ESYT1: variants seen among roughly 807,000 people sequenced by gnomAD.
ESYT1 encodes the protein extended synaptotagmin-1.
A neutral mutation model predicts 154.2 loss-of-function variants in ESYT1; 116 were observed. That is an observed-to-expected ratio of 0.75 (90% CI 0.65 to 0.88). ESYT1 has a LOEUF of 0.88. ESYT1 is among the 40% of genes least tolerant of loss of function. The pLI, the probability that ESYT1 is intolerant of heterozygous loss-of-function variation, is 0.00. For missense variants in ESYT1, 1,264 were observed against 1,379.3 expected, an observed-to-expected ratio of 0.92 and a Z score of 1.32; for synonymous variants, 500 against 539.9, an observed-to-expected ratio of 0.93 and a Z score of 1.02.
In ESYT1 at chr12:56,128,354, G is replaced by A. The variant is rs1039009182; in HGVS notation, c.35G>A (p.Ser12Asn). 1 of 1,612,090 alleles carries A rather than the reference G, an allele frequency of 6.2e-7. No individual in the cohort carries two copies. ...ERSPGEGPSP[S>N]PMDQPSAPSD... Reference sequence around the variant, plus strand: ...TCTCCAGGAGAGGGCCCCAGCCCCAGCCCCATGGACCAGCCCTCTGCTCCC... The same window carrying A: ...TCTCCAGGAGAGGGCCCCAGCCCCAACCCCATGGACCAGCCCTCTGCTCCC... Residue 12 changes from serine to asparagine, a missense_variant, in exon 1 of 31, where the codon AGC becomes AAC. Transcript: ENST00000394048.
chr12:56,141,571 T>C (rs1870694046), intron 24 of ESYT1, among the ~76,000 whole-genome samples: 1 of 152,138 alleles, frequency 6.6e-6, no homozygotes, highest in African/African-American at 2.4e-5. Flanking sequence ...AAACCCTGTC[T>C]CTATTAAAAA....
chr12:56,136,706 T>C lies in ESYT1; in HGVS notation c.1633-38T>C, dbSNP rs761329549. ...TTTCACAGTATGCCTCCCTTTCCCC[T>C]AATCCCTTCACTACAGTCCTTCCTC... On this transcript the variant is annotated intron_variant, in intron 15 of 30. Transcript: ENST00000394048. 3.3e-6 allele frequency: 5 copies of C among 1,533,792 alleles called. No homozygotes were observed. In the Admixed American group the frequency reaches 7.8e-5, roughly 24 times the overall value.
intron 29 of ESYT1, 100 bp downstream of exon 29, chr12:56,143,433 G>C (rs1870797476): frequency 2.7e-6 from 4 of 1,491,360 alleles, no homozygotes; most frequent in Non-Finnish European, 3.7e-6. Flanking sequence ...TGATCCTTTA[G>C]AGGTGACTCA....
chr12:56,139,180 C>T (rs1870589765), intron 24 of ESYT1, among the ~76,000 whole-genome samples, 167 bp downstream of exon 24: 1 of 150,986 alleles, frequency 6.6e-6, no homozygotes, highest in African/African-American at 2.4e-5. Context: ...GCTATCTTGG[C>T]TCACTGCAAG....
chr12:56,137,141 T>C, intron 16 of ESYT1, 77 bp from the exon 17 acceptor site: 1 of 1,570,200 alleles, frequency 6.4e-7, no homozygotes, highest in Non-Finnish European at 8.7e-7. Flanking sequence ...CAGCCCCTCC[T>C]CTACCCCACC....
chr12:56,138,387 C>T lies in ESYT1; in HGVS notation c.2338-17C>T, dbSNP rs1015905658. On this transcript the variant is annotated splice_polypyrimidine_tract_variant and intron_variant, in intron 21 of 30. Transcript: ENST00000394048. ...GGTGTCAGTTACCACTCCCCAGCCC[C>T]GTGTGCCCCTCCACAGGTGCTGCAG... 16 of 1,613,108 alleles carry T rather than the reference C, an allele frequency of 9.9e-6. No individual in the cohort carries two copies. The highest frequency in any genetic ancestry group is 2.7e-5 in the African/African-American group (2 of 74,916).
chr12:56,140,592 G>A (rs1159940089), intron 24 of ESYT1, among the ~76,000 whole-genome samples: 1 of 152,118 alleles, frequency 6.6e-6, no homozygotes, highest in Admixed American at 6.6e-5. Flanking sequence ...TCTAAGTCCT[G>A]ACCTCAAGTG....
chr12:56,140,400 C>G (rs991161651), intron 24 of ESYT1, among the ~76,000 whole-genome samples: 10 of 152,074 alleles, frequency 6.6e-5, no homozygotes, highest in African/African-American at 2.2e-4. Flanking sequence ...GAGTCTTGCT[C>G]TGTTGCCCAG....
chr12:56,140,025 C>T (rs1390471042), intron 24 of ESYT1, among the ~76,000 whole-genome samples: 5 of 152,172 alleles, frequency 3.3e-5, no homozygotes. Context: ...CACTACCACA[C>T]CTAGCTAATT....
chr12:56,136,629 A>G, intron 15 of ESYT1, 115 bp from the exon 16 acceptor site: 1 of 636,294 alleles, frequency 1.6e-6, no homozygotes, highest in East Asian at 3.7e-5. Context: ...TGAGTGGAGC[A>G]GGAGGTTTGT....
At position 56,143,965 on chromosome 12, in the gene ESYT1, C is replaced by G. The variant is rs1347345102; in HGVS notation, c.*103C>G. On this transcript the variant is annotated 3_prime_UTR_variant, in exon 31 of 31. Transcript: ENST00000394048. ...TAAAGCTAGGGTCCAAGGGCAGAGC[C>G]TGTGCCCTTCAGCCCTTTCACCTAA... The G allele has an allele frequency of 6.3e-7, 1 of 1,597,120 alleles. No homozygotes were observed. The highest frequency in any genetic ancestry group is 1.3e-5 in the African/African-American group (1 of 74,602).
rs765187777 is a variant in ESYT1 at position 56,131,254 on chromosome 12, G to A, written c.652G>A (p.Asp218Asn). 3 of 1,614,084 alleles carry A rather than the reference G, an allele frequency of 1.9e-6. No individual in the cohort carries two copies. Among genetic ancestry groups the A allele is most frequent in the Non-Finnish European group, 2.5e-6 (3 of 1,180,046 alleles). ...LLDLNISYVG[D>N]VQIDVEVKKY... ...TTCACCAATCCCCAGCTATGTAGGTGATGTGCAGATTGATGTGGAAGTGAA... is the reference window on the plus strand; with the variant it reads ...TTCACCAATCCCCAGCTATGTAGGTAATGTGCAGATTGATGTGGAAGTGAA... The change falls in exon 5 of 31, where the codon GAT (aspartate) becomes AAT (asparagine). Residue 218 changes from aspartate (D) to asparagine (N), a missense_variant. Transcript: ENST00000394048.
chr12:56,137,430 C>T, intron 17 of ESYT1, 57 bp downstream of exon 17: 1 of 1,611,654 alleles, frequency 6.2e-7, no homozygotes, highest in Non-Finnish European at 8.5e-7. Flanking sequence ...TATGCAAAGC[C>T]TGTTTCAGGG....
chr12:56,136,990 C>A (rs1481972670), intron 16 of ESYT1, 97 bp downstream of exon 16: 1 of 1,434,916 alleles, frequency 7.0e-7, no homozygotes, highest in Non-Finnish European at 9.4e-7. Flanking sequence ...ATTAAAAGAG[C>A]TAATACATGT....
chr12:56,144,031 C>A lies in ESYT1; in HGVS notation c.*169C>A. 1 of 1,475,152 alleles carries A rather than the reference C, an allele frequency of 6.8e-7. No individual in the cohort carries two copies. The highest frequency in any genetic ancestry group is 8.9e-7 in the Non-Finnish European group (1 of 1,118,512). 91.4% of individuals were successfully genotyped at this position (1,475,152 alleles called of 1,614,324 possible). ...GCCTTTGCCTGACCAAAGAGAAGAA[C>A]CGTATGTTCCCTTTACTGCACGGCC... On this transcript the variant is annotated 3_prime_UTR_variant, in exon 31 of 31. Coordinates refer to ENST00000394048, the MANE Select transcript of ESYT1 (RefSeq NM_015292.3).
rs1565877236 is a variant in ESYT1, at chr12:56,142,279, CCA to C, written c.2593-3_2593-2del. On this transcript the variant is annotated splice_polypyrimidine_tract_variant and splice_region_variant and intron_variant, in intron 24 of 30. Transcript: ENST00000394048. This position sits in a 1 kb window ranked among gnomAD's most constrained non-coding sequence, Gnocchi z 4.1. ...GCCTCTTGATCATGGTCCTGTTGCC[CCA>C]CAGGTTCGGGGTGAGGGCACTGGCG... 1.2e-6 allele frequency: 2 copies of C among 1,613,478 alleles called. No homozygotes were observed. The highest frequency in any genetic ancestry group is 4.5e-5 in the East Asian group (2 of 44,878).
Position 56,137,683 on chromosome 12 carries a change from T to C in ESYT1, c.2115+8T>C, listed in dbSNP as rs1183207964. On this transcript the variant is annotated splice_region_variant and intron_variant, in intron 18 of 30. Transcript: ENST00000394048. ...TGGAATGAGGTTTTTGAGGTCAGAA[T>C]TGAGTGGCTGTGACTCCTGGTTCTG... 20 of 1,613,162 alleles carry C rather than the reference T, an allele frequency of 1.2e-5. No homozygotes were observed. Among genetic ancestry groups the C allele is most frequent in the African/African-American group, 2.7e-5 (2 of 75,008 alleles).
rs757597127 is a variant in ESYT1 at position 56,138,990 on chromosome 12, C to T, written c.2569C>T (p.His857Tyr). ...ESASFLIRKP[H>Y]TESLELQVRG... is the part of the protein sequence containing the mutation. ...TGCCTCCTTTCTCATCAGGAAACCA[C>T]ACACTGAGAGCCTAGAGTTGCAGGT... Residue 857 changes from histidine (H) to tyrosine (Y), a missense_variant, in exon 24 of 31, where the codon CAC becomes TAC. Physicochemically the swap from His to Tyr is moderately conservative, Grantham distance 83. Transcript: ENST00000394048. 1.2e-6 allele frequency: 2 copies of T among 1,613,912 alleles called. No individual in the cohort carries two copies. Among genetic ancestry groups the T allele is most frequent in the African/African-American group, 2.7e-5 (2 of 74,920 alleles).
At chr12:56,130,103 G>C (rs1019825642) in intron 1 of ESYT1, among the ~76,000 whole-genome samples, 5 of 152,142 alleles carry the variant, frequency 3.3e-5, no homozygotes, top group Non-Finnish European at 5.9e-5. Flanking sequence ...AGTAGAGACA[G>C]GGTTTCACCA....
Sources: gnomAD v4.1 joint callset for allele counts (sites outside exome capture counted in the v4.1 genomes callset) on GRCh38, gnomAD v4.1.1 for gene constraint, Gnocchi (gnomAD v3.1) non-coding constraint, MANE v1.5 for transcripts, NCBI Gene and HGNC (gene_info 2026-07-23, HGNC 2026-07-21) for gene names.